TTC9C: variants seen among roughly 807,000 people sequenced by gnomAD.
TTC9C encodes tetratricopeptide repeat domain 9C, also known as tetratricopeptide repeat protein 9C.
Under a neutral mutation model 22.5 loss-of-function variants are expected in TTC9C, and 15 were observed. That is an observed-to-expected ratio of 0.67 (90% CI 0.45 to 1.03). The LOEUF is 1.03. Ranked by LOEUF, TTC9C falls within the 50% of genes least tolerant of loss-of-function variation. TTC9C has a pLI of 0.00. For missense variants in TTC9C, 244 were observed against 214.6 expected, an observed-to-expected ratio of 1.14 and a Z score of -0.86; for synonymous variants, 92 against 86.8, an observed-to-expected ratio of 1.06 and a Z score of -0.33.
upstream of TTC9C, chr11:62,728,448 G>C (rs1329326312): frequency 2.2e-6 from 1 of 462,278 alleles, no homozygotes; most frequent in Non-Finnish European, 4.3e-6. Context: ...TCTACTTCCA[G>C]GTCGGGGGGG....
rs1325047322 is a variant in TTC9C, at chr11:62,738,335, A to G, written c.469A>G (p.Ser157Gly). The change falls in exon 3 of 3, where the codon AGC becomes GGC. Residue 157 changes from serine (S) to glycine (G), a missense_variant. Transcript: ENST00000316461. ...CCAGCTGACACAGTCAGAACTCAGC[A>G]GCTACCATAGAAAAGAGAAGCAGCT... ...YLQLTQSELSSYHRKEKQLYL... is the reference protein window; with the variant it reads ...YLQLTQSELSGYHRKEKQLYL... The G allele has an allele frequency of 6.2e-7, 1 of 1,613,394 alleles. No individual in the cohort carries two copies. The highest frequency in any genetic ancestry group is 1.1e-5 in the South Asian group (1 of 90,942).
chr11:62,735,324 T>C, intron 1 of TTC9C, 58 bp from the exon 2 acceptor site: 1 of 1,589,596 alleles, frequency 6.3e-7, no homozygotes, highest in Non-Finnish European at 8.6e-7. Flanking sequence ...AGCTGGCCAG[T>C]GGAACCTGGT....
chr11:62,728,216 G>A, upstream of TTC9C: 1 of 309,166 alleles, frequency 3.2e-6, no homozygotes, highest in South Asian at 2.7e-5. Flanking sequence ...CCGAAGCCCA[G>A]GAGACTTCCA....
Position 62,738,416 on chromosome 11 carries a change from G to A in TTC9C, c.*34G>A, listed in dbSNP as rs1196937630. 5 of 1,428,782 alleles carry A rather than the reference G, an allele frequency of 3.5e-6. No individual in the cohort carries two copies. Among genetic ancestry groups the A allele is most frequent in the Non-Finnish European group, 4.9e-6 (5 of 1,019,672 alleles). The allele number at this position is 1,428,782 out of a possible 1,614,324, so 88.5% of individuals were successfully genotyped here. A position where few individuals can be genotyped will look rare whatever the true frequency, so the allele number is the denominator to read the frequency against. On this transcript the variant is annotated 3_prime_UTR_variant, in exon 3 of 3. Coordinates refer to ENST00000316461, the MANE Select transcript of TTC9C (RefSeq NM_173810.4). ...AAAGATGCTCCTCCAGTTGAACTTA[G>A]GTGGACCATTAAACATGCATGAAGG...
intron 2 of TTC9C, 84 bp downstream of exon 2, chr11:62,735,648 G>A: frequency 2.7e-6 from 4 of 1,458,900 alleles, no homozygotes; most frequent in Non-Finnish European, 3.6e-6. Context: ...ATTTTACTTT[G>A]CCAATGTATT....
intron 2 of TTC9C, 110 bp downstream of exon 2, chr11:62,735,674 T>C: frequency 7.0e-7 from 1 of 1,423,502 alleles, no homozygotes. Context: ...CAATAAGTAA[T>C]ACATTCACAT....
In TTC9C at chr11:62,728,558, T is replaced by C. The variant is rs751318431; in HGVS notation, c.-291T>C. 1 of 533,944 alleles carries C rather than the reference T, an allele frequency of 1.9e-6. No individual in the cohort carries two copies. Among genetic ancestry groups the C allele is most frequent in the African/African-American group, 1.9e-5 (1 of 53,020 alleles). 33.1% of individuals were successfully genotyped at this position (533,944 alleles called of 1,614,324 possible). A position where few individuals can be genotyped will look rare whatever the true frequency, so the allele number is the denominator to read the frequency against. ...TGCTTGAGTTCTTCGGAAAGTCTCA[T>C]CCACCCCCACATCGCCTCTTTAGGA... On this transcript the variant is annotated 5_prime_UTR_variant, in exon 1 of 3. Coordinates refer to ENST00000316461, the MANE Select transcript of TTC9C (RefSeq NM_173810.4).
At chr11:62,729,169 CTT>C (rs34615969) in intron 1 of TTC9C, 83 bp downstream of exon 1, 6,136 of 918,350 alleles carry the variant, frequency 6.7e-3, no homozygotes, top group Non-Finnish European at 7.6e-3. Context: ...AAAACGCTGA[CTT>C]TTTTTTTTTT....
intron 1 of TTC9C, among the ~76,000 whole-genome samples, chr11:62,734,191 G>A (rs758919400): frequency 2.0e-5 from 3 of 151,346 alleles, no homozygotes; most frequent in Admixed American, 6.6e-5. Context: ...CCAGCTACTC[G>A]GGAAGCTGAG....
chr11:62,730,734 C>T (rs1196739251), intron 1 of TTC9C, among the ~76,000 whole-genome samples: 2 of 151,794 alleles, frequency 1.3e-5, no homozygotes, highest in African/African-American at 4.8e-5. Context: ...GCACCATGCC[C>T]TGCTAATTTT....
upstream of TTC9C, chr11:62,728,418 A>T (rs117968962): frequency 4.0e-3 from 1,714 of 429,422 alleles, 35 homozygotes; most frequent in East Asian, 0.062. Flanking sequence ...GAGTTTTAGC[A>T]CTAGTCCCGC....
chr11:62,731,813 C>G (rs1023439418), intron 1 of TTC9C, among the ~76,000 whole-genome samples: 1 of 151,092 alleles, frequency 6.6e-6, no homozygotes, highest in Admixed American at 6.6e-5. Flanking sequence ...TCCCGAATAG[C>G]TGGGACTACA....
chr11:62,735,492 G>T lies in TTC9C; in HGVS notation c.349G>T (p.Ala117Ser), dbSNP rs138276343. Reference sequence around the variant, plus strand: ...CAAGGCCTTGTATCGGGCCGGAGTGGCCTTTTTCCATCTGCAGGACTATGA... The same window carrying T: ...CAAGGCCTTGTATCGGGCCGGAGTGTCCTTTTTCCATCTGCAGGACTATGA... ...NAKALYRAGV[A>S]FFHLQDYDQA... The change falls in exon 2 of 3, where the codon GCC becomes TCC. Residue 117 changes from alanine to serine, a missense_variant. Coordinates refer to ENST00000316461, the MANE Select transcript of TTC9C (RefSeq NM_173810.4). 5.9e-5 allele frequency: 95 copies of T among 1,613,830 alleles called. No homozygotes were observed. The highest frequency in any genetic ancestry group is 1.7e-4 in the Middle Eastern group (1 of 5,990).
chr11:62,729,023 C>G lies in TTC9C; in HGVS notation c.175C>G (p.Leu59Val), dbSNP rs764078957. ...LPNLGPQGPA[L>V]TPEQENILHT... Reference sequence around the variant, plus strand: ...TAATCTCGGACCTCAGGGCCCGGCCCTCACGCCTGAACAAGAAAACATATT... The same window carrying G: ...TAATCTCGGACCTCAGGGCCCGGCCGTCACGCCTGAACAAGAAAACATATT... Residue 59 changes from leucine to valine, a missense_variant, in exon 1 of 3, where the codon CTC becomes GTC. Transcript: ENST00000316461. The G allele has an allele frequency of 1.2e-6, 2 of 1,614,158 alleles. No homozygotes were observed. Among genetic ancestry groups the G allele is most frequent in the Middle Eastern group, 1.6e-4 (1 of 6,062 alleles).
chr11:62,728,770 G>C lies in TTC9C; in HGVS notation c.-79G>C. On this transcript the variant is annotated 5_prime_UTR_variant, in exon 1 of 3. Transcript: ENST00000316461. Reference sequence around the variant, plus strand: ...CTGCCTCCTTAAATTGGCTGCTACTGTCAGTTATTTTGCTCCCAACCCCAG... The same window carrying C: ...CTGCCTCCTTAAATTGGCTGCTACTCTCAGTTATTTTGCTCCCAACCCCAG... The C allele has an allele frequency of 7.1e-7, 1 of 1,412,588 alleles. No homozygotes were observed. The highest frequency in any genetic ancestry group is 1.0e-6 in the Non-Finnish European group (1 of 1,001,264). 87.5% of individuals were successfully genotyped at this position (1,412,588 alleles called of 1,614,324 possible).
Position 62,738,340 on chromosome 11 carries a change from C to T in TTC9C, c.474C>T (p.Tyr158=). ...TGACACAGTCAGAACTCAGCAGCTA[C>T]CATAGAAAAGAGAAGCAGCTCTACC... ...LQLTQSELSS[Y]HRKEKQLYLG... is the part of the protein sequence containing the mutation. Residue 158 remains tyrosine (Y), a synonymous_variant, in exon 3 of 3, where the codon TAC becomes TAT. Coordinates refer to ENST00000316461, the MANE Select transcript of TTC9C (RefSeq NM_173810.4). The T allele has an allele frequency of 1.2e-6, 2 of 1,613,162 alleles. No homozygotes were observed. Among genetic ancestry groups the T allele is most frequent in the Non-Finnish European group, 1.7e-6 (2 of 1,179,534 alleles).
intron 1 of TTC9C, among the ~76,000 whole-genome samples, chr11:62,732,356 C>T (rs1213957405): frequency 2.0e-5 from 3 of 152,004 alleles, no homozygotes; most frequent in Non-Finnish European, 4.4e-5. Context: ...TGTCTGTAAT[C>T]CCAGCACTTT....
intron 2 of TTC9C, 101 bp downstream of exon 2, chr11:62,735,665 A>C: frequency 1.4e-6 from 2 of 1,433,976 alleles, no homozygotes; most frequent in South Asian, 3.0e-5. Context: ...TATTATTTTC[A>C]ATAAGTAATA....
At chr11:62,734,123 A>C (rs1229094322) in intron 1 of TTC9C, among the ~76,000 whole-genome samples, 1 of 151,540 alleles carries the variant, frequency 6.6e-6, no homozygotes, top group Non-Finnish European at 1.5e-5. Flanking sequence ...ACATGGCGAA[A>C]ACCCATCTCT....
Sources: gnomAD v4.1 joint callset for allele counts (sites outside exome capture counted in the v4.1 genomes callset) on GRCh38, gnomAD v4.1.1 for gene constraint, MANE v1.5 for transcripts, NCBI Gene and HGNC (gene_info 2026-07-23, HGNC 2026-07-21) for gene names.